Variants in CEP63 observed in about 807,000 individuals in gnomAD.
The protein encoded by CEP63 is centrosomal protein of 63 kDa.
In CEP63, 84 loss-of-function variants were observed where a neutral mutation model predicts 89.1. The observed-to-expected ratio is 0.94, with a 90% CI of 0.79 to 1.13. The LOEUF (loss-of-function observed/expected upper bound fraction) is 1.13. Among genes scored for constraint, CEP63 ranks in the 50% most tolerant of loss-of-function variants. CEP63 has a pLI of 0.00. For missense variants in CEP63, 838 were observed against 813.3 expected (o/e 1.03, Z -0.37); for synonymous variants, 267 against 272.5 (o/e 0.98, Z 0.20).
At chr3:134,516,750 A>C (rs13081059) in intron 3 of CEP63, among the ~76,000 whole-genome samples, 16,803 of 152,282 alleles carry the variant, frequency 0.11, 1,225 homozygotes, top group Middle Eastern at 0.2. Flanking sequence ...CAGGGAGCAC[A>C]GGGTTGGGGG....
At chr3:134,707,221 A>G in the CEP63 span, among the ~76,000 whole-genome samples, 1 of 152,194 alleles carries the variant, frequency 6.6e-6, no homozygotes, top group South Asian at 2.1e-4. Context: ...CCTATAGAGG[A>G]TAAAAGGAGA....
chr3:134,723,868 C>T, the CEP63 span, among the ~76,000 whole-genome samples: 1 of 152,182 alleles, frequency 6.6e-6, no homozygotes, highest in Non-Finnish European at 1.5e-5. Context: ...CCACAAGACG[C>T]AGATTTTAAC....
the CEP63 span, among the ~76,000 whole-genome samples, chr3:134,653,691 G>A: frequency 6.6e-6 from 1 of 152,190 alleles, no homozygotes; most frequent in African/African-American, 2.4e-5. Context: ...CACTGAGGTG[G>A]CTGGGATATC....
At chr3:134,699,333 G>C in the CEP63 span, among the ~76,000 whole-genome samples, 2 of 152,190 alleles carry the variant, frequency 1.3e-5, no homozygotes, top group South Asian at 4.1e-4. Flanking sequence ...AAACTGTAGG[G>C]CACGCTGTGG....
At chr3:134,705,113 TTC>T in the CEP63 span, among the ~76,000 whole-genome samples, 1 of 152,204 alleles carries the variant, frequency 6.6e-6, no homozygotes, top group Non-Finnish European at 1.5e-5. Context: ...CCCTTTTGGA[TTC>T]TGTCTTAGTT....
the CEP63 span, among the ~76,000 whole-genome samples, chr3:134,776,396 G>T: frequency 2.0e-4 from 30 of 150,180 alleles, no homozygotes; most frequent in Non-Finnish European, 4.3e-4. Context: ...TTATCAACAA[G>T]ATACTTAATT....
At chr3:134,527,539 T>C (rs556963463) in intron 3 of CEP63, among the ~76,000 whole-genome samples, 37 of 152,256 alleles carry the variant, frequency 2.4e-4, no homozygotes, top group Admixed American at 5.2e-4. Flanking sequence ...TGGATACATG[T>C]ACACTTGCCT....
the CEP63 span, among the ~76,000 whole-genome samples, chr3:134,711,585 A>C: frequency 1.3e-5 from 2 of 152,228 alleles, no homozygotes; most frequent in African/African-American, 4.8e-5. Context: ...TGAGACTCTG[A>C]ATGTTTGAAA....
the CEP63 span, among the ~76,000 whole-genome samples, chr3:134,740,441 G>T: frequency 6.6e-6 from 1 of 152,156 alleles, no homozygotes; most frequent in Non-Finnish European, 1.5e-5. Flanking sequence ...GGGACTACAG[G>T]CACCCATTAC....
chr3:134,609,548 C>A, the CEP63 span, among the ~76,000 whole-genome samples: 1 of 152,168 alleles, frequency 6.6e-6, no homozygotes, highest in Non-Finnish European at 1.5e-5. Flanking sequence ...AAAAAGGAAT[C>A]TGAGCTGCTG....
At chr3:134,610,274 G>C in the CEP63 span, 1 of 1,613,956 alleles carries the variant, frequency 6.2e-7, no homozygotes, top group South Asian at 1.1e-5. Flanking sequence ...CTTCCCTCCA[G>C]GTACACAGCA....
chr3:134,565,919 C>G (rs1296116807), downstream of CEP63, among the ~76,000 whole-genome samples: 3 of 152,124 alleles, frequency 2.0e-5, no homozygotes, highest in East Asian at 1.9e-4. Flanking sequence ...CAGCTCCCCC[C>G]ACAGTATGCT....
the CEP63 span, among the ~76,000 whole-genome samples, chr3:134,718,196 G>A: frequency 2.0e-5 from 3 of 152,134 alleles, no homozygotes; most frequent in East Asian, 5.8e-4. Context: ...TCAGTTTTGG[G>A]AGTTTTGATG....
the CEP63 span, among the ~76,000 whole-genome samples, chr3:134,648,780 T>C: frequency 6.6e-6 from 1 of 152,336 alleles, no homozygotes; most frequent in Admixed American, 6.5e-5. Context: ...TACGGATTAC[T>C]CCATCCTCTG....
At chr3:134,705,333 T>A in the CEP63 span, among the ~76,000 whole-genome samples, 1 of 151,792 alleles carries the variant, frequency 6.6e-6, no homozygotes, top group African/African-American at 2.4e-5. Context: ...AAAACCTGAG[T>A]GGGGGGTCTT....
intron 1 of CEP63, among the ~76,000 whole-genome samples, chr3:134,487,520 C>G (rs1196570817): frequency 3.3e-5 from 5 of 152,188 alleles, no homozygotes; most frequent in Non-Finnish European, 7.3e-5. Context: ...GTTGTGCTGG[C>G]AGATGGTGAC....
chr3:134,544,321 A>G (rs1577244885), intron 6 of CEP63, among the ~76,000 whole-genome samples: 1 of 152,314 alleles, frequency 6.6e-6, no homozygotes, highest in East Asian at 1.9e-4. Context: ...AAAACTTGTA[A>G]AAACTAAAAA....
the CEP63 span, among the ~76,000 whole-genome samples, chr3:134,757,738 T>C: frequency 6.6e-6 from 1 of 152,134 alleles, no homozygotes; most frequent in Non-Finnish European, 1.5e-5. Flanking sequence ...TGCAGAATTG[T>C]AACTGACGAG....
intron 6 of CEP63, 115 bp downstream of exon 6, chr3:134,537,383 C>T (rs1577168832): frequency 2.8e-6 from 2 of 717,596 alleles, no homozygotes; most frequent in East Asian, 5.6e-5. Context: ...CTCCACGAAC[C>T]CTGCTCTCTT....
Sources: gnomAD v4.1 joint callset for allele counts (sites outside exome capture counted in the v4.1 genomes callset) on GRCh38, gnomAD v4.1.1 for gene constraint, MANE v1.5 for transcripts, NCBI Gene and HGNC (gene_info 2026-07-23, HGNC 2026-07-21) for gene names.